ZNF684: variants seen among roughly 807,000 people sequenced by gnomAD.
The protein encoded by ZNF684 is hypothetical protein MGC27466.
In ZNF684, 13 loss-of-function variants were observed where a neutral mutation model predicts 12.8. That is an observed-to-expected ratio of 1.02 (90% confidence interval 0.66 to 1.62). The LOEUF (loss-of-function observed/expected upper bound fraction) is 1.62, where lower values mean the gene tolerates loss of function less well. Ranked by LOEUF, ZNF684 falls within the 40% of genes most tolerant of loss-of-function variation. The pLI is 0.00. For missense variants in ZNF684, 384 were observed against 446.9 expected (o/e 0.86, Z 1.27); for synonymous variants, 118 against 151.8 (o/e 0.78, Z 1.64).
rs559252520 is a variant in ZNF684, at chr1:40,536,221, G to A, written c.15+3040G>A. On this transcript the variant is annotated intron_variant, in intron 2 of 4. Coordinates refer to ENST00000372699, the MANE Select transcript of ZNF684 (RefSeq NM_152373.4). ...ATCCTGGCTAACATGGTGAAACCCC[G>A]TCTCTACTAAAAATACAAAAAAATT... 2.1e-3 allele frequency among the ~76,000 whole-genome samples: 316 copies of A among 151,856 alleles called. 4 individuals carry two copies. Among genetic ancestry groups the A allele is most frequent in the African/African-American group, 7.5e-3 (310 of 41,458 alleles).
In ZNF684 at chr1:40,546,742, T is replaced by C. The variant is rs1341290323; in HGVS notation, c.419T>C (p.Leu140Ser). Reference sequence around the variant, plus strand: ...TCATATAAATCGTTTGAGAAGTGTTTGCCACCTAATTTAGACTTACTTAAA... The same window carrying C: ...TCATATAAATCGTTTGAGAAGTGTTCGCCACCTAATTTAGACTTACTTAAA... ...KKSYKSFEKCLPPNLDLLKYN... is the reference protein window; with the variant it reads ...KKSYKSFEKCSPPNLDLLKYN... The change falls in exon 5 of 5, where the codon TTG becomes TCG. Residue 140 changes from leucine to serine, a missense_variant. By Grantham distance (145) the Leu-to-Ser change is moderately radical. Transcript: ENST00000372699. The C allele has an allele frequency of 1.2e-6, 2 of 1,613,802 alleles. No homozygotes were observed. Among genetic ancestry groups the C allele is most frequent in the Admixed American group, 3.3e-5 (2 of 59,984 alleles).
In ZNF684 at chr1:40,547,356, C is replaced by T; in HGVS notation, c.1033C>T (p.His345Tyr). The change falls in exon 5 of 5, where the codon CAT (histidine) becomes TAT (tyrosine). Residue 345 changes from histidine to tyrosine, a missense_variant. Physicochemically the swap from His to Tyr is moderately conservative, Grantham distance 83. Transcript: ENST00000372699. Reference sequence around the variant, plus strand: ...CATCAAGAAGTCCCATCTCCTCAGACATCAGATAACTCATACAGGAGAGAA... The same window carrying T: ...CATCAAGAAGTCCCATCTCCTCAGATATCAGATAACTCATACAGGAGAGAA... ...AFIKKSHLLR[H>Y]QITHTGEKPY... The T allele has an allele frequency of 6.2e-7, 1 of 1,613,998 alleles. No individual in the cohort carries two copies. The highest frequency in any genetic ancestry group is 8.5e-7 in the Non-Finnish European group (1 of 1,179,930).
intron 4 of ZNF684, among the ~76,000 whole-genome samples, chr1:40,545,699 G>T (rs1646042675): frequency 1.3e-5 from 2 of 152,184 alleles, no homozygotes; most frequent in Middle Eastern, 3.4e-3. Context: ...GGGGTTAGAG[G>T]ACTGGAGATT....
At chr1:40,543,592 G>A (rs1281108555) in intron 4 of ZNF684, among the ~76,000 whole-genome samples, 19 of 152,020 alleles carry the variant, frequency 1.2e-4, no homozygotes, top group African/African-American at 4.4e-4. Flanking sequence ...GAGTAGCTGG[G>A]ACTACAGGTG....
chr1:40,542,796 T>C (rs1646023584), intron 4 of ZNF684, among the ~76,000 whole-genome samples: 1 of 152,224 alleles, frequency 6.6e-6, no homozygotes, highest in African/African-American at 2.4e-5. Context: ...ATTTTTTTCC[T>C]GTCAATAGTT....
chr1:40,546,000 A>G (rs753974671), intron 4 of ZNF684, among the ~76,000 whole-genome samples: 10 of 130,678 alleles, frequency 7.7e-5, no homozygotes, highest in Admixed American at 1.9e-4. Flanking sequence ...TCGGCTCACC[A>G]CAACCTCCAC....
In ZNF684 at chr1:40,547,020, C is replaced by CA. The variant is rs1204803869; in HGVS notation, c.698dup (p.His233GlnfsTer12). The CA allele has an allele frequency of 1.9e-6, 3 of 1,614,108 alleles. No homozygotes were observed. The highest frequency in any genetic ancestry group is 2.5e-6 in the Non-Finnish European group (3 of 1,180,008). On this transcript the variant is annotated frameshift_variant, in exon 5 of 5. Transcript: ENST00000372699. LOFTEE classifies it low-confidence loss of function (END_TRUNC). ...TATGCATAAAGCCCAACTCGTGGTC[C>CA]ACCAGAGACTTCACACTGGAGAGAA... is the stretch of plus-strand genomic sequence containing the variant.
At chr1:40,533,363 C>T (rs1370396744) in intron 2 of ZNF684, among the ~76,000 whole-genome samples, 182 bp downstream of exon 2, 3 of 152,172 alleles carry the variant, frequency 2.0e-5, no homozygotes, top group Admixed American at 6.5e-5. Context: ...CAAATTTGAG[C>T]TGCAAATGTG....
intron 4 of ZNF684, among the ~76,000 whole-genome samples, chr1:40,543,513 G>A (rs981805350): frequency 6.7e-6 from 1 of 148,966 alleles, no homozygotes; most frequent in Non-Finnish European, 1.5e-5. Context: ...CTGGAGTGCA[G>A]TTGCGAGATC....
At chr1:40,541,480 G>A in intron 3 of ZNF684, 135 bp from the exon 4 acceptor site, 2 of 650,690 alleles carry the variant, frequency 3.1e-6, no homozygotes, top group South Asian at 3.5e-5. Context: ...ACCGCGCCCA[G>A]CCTGGGTCTG....
intron 4 of ZNF684, among the ~76,000 whole-genome samples, chr1:40,542,125 T>C (rs1471995515): frequency 6.6e-6 from 1 of 152,230 alleles, no homozygotes; most frequent in African/African-American, 2.4e-5. Context: ...CTTAAGCAGA[T>C]TATTTTGTAG....
chr1:40,533,823 C>CTTTTTTTTTTTTTTTTTTTT (rs574077502), intron 2 of ZNF684, among the ~76,000 whole-genome samples: 1 of 123,922 alleles, frequency 8.1e-6, no homozygotes, highest in Non-Finnish European at 1.7e-5. Flanking sequence ...GTTAGGTATT[C>CTTTTTTTTTTTTTTTTTTTT]TTTTTTTTTT....
chr1:40,545,915 C>CTTTTTTTTTTTTTTT (rs55993619), intron 4 of ZNF684, among the ~76,000 whole-genome samples: 2 of 67,906 alleles, frequency 2.9e-5, no homozygotes, highest in African/African-American at 6.4e-5. Context: ...GTCTCCTTTT[C>CTTTTTTTTTTTTTTT]TTTTTTTTTT....
chr1:40,545,282 G>C (rs1416424767), intron 4 of ZNF684, among the ~76,000 whole-genome samples: 1 of 152,116 alleles, frequency 6.6e-6, no homozygotes, highest in Non-Finnish European at 1.5e-5. Flanking sequence ...TCCACATGGA[G>C]GAAAACTTAA....
At chr1:40,533,019 A>T in intron 1 of ZNF684, 124 bp from the exon 2 acceptor site, 1 of 662,740 alleles carries the variant, frequency 1.5e-6, no homozygotes, top group Non-Finnish European at 2.6e-6. Context: ...ATTCTCCCCC[A>T]CTAGGTGGCA....
intron 3 of ZNF684, 189 bp from the exon 4 acceptor site, chr1:40,541,426 G>T (rs556098486): frequency 9.3e-6 from 4 of 428,544 alleles, no homozygotes; most frequent in South Asian, 9.3e-5. Flanking sequence ...CTCATGATCC[G>T]CCCGCCTCAG....
rs765781865 is a variant in ZNF684, at chr1:40,547,057, G to A, written c.734G>A (p.Cys245Tyr). ...CACACTGGAGAGAAGCCTTATGAGTGCAGTCAATGTGGGAAAACATTCACT... is the reference window on the plus strand; with the variant it reads ...CACACTGGAGAGAAGCCTTATGAGTACAGTCAATGTGGGAAAACATTCACT... ...RLHTGEKPYE[C>Y]SQCGKTFTWN... The change falls in exon 5 of 5, where the codon TGC becomes TAC. Residue 245 changes from cysteine to tyrosine, a missense_variant. Coordinates refer to ENST00000372699, the MANE Select transcript of ZNF684 (RefSeq NM_152373.4). 2 of 1,614,200 alleles carry A rather than the reference G, an allele frequency of 1.2e-6. No homozygotes were observed. Among genetic ancestry groups the A allele is most frequent in the Admixed American group, 1.7e-5 (1 of 60,022 alleles).
intron 2 of ZNF684, among the ~76,000 whole-genome samples, chr1:40,533,428 T>C (rs1056932251): frequency 3.9e-5 from 6 of 152,246 alleles, no homozygotes; most frequent in Admixed American, 3.9e-4. Context: ...TTAAAAAGTA[T>C]TGGCATTGCT....
chr1:40,533,447 A>C (rs959329141), intron 2 of ZNF684, among the ~76,000 whole-genome samples: 1 of 152,260 alleles, frequency 6.6e-6, no homozygotes, highest in Non-Finnish European at 1.5e-5. Flanking sequence ...CTGTGAAGAT[A>C]AAGCAAAATT....
Sources: gnomAD v4.1 joint callset for allele counts (sites outside exome capture counted in the v4.1 genomes callset) on GRCh38, gnomAD v4.1.1 for gene constraint, MANE v1.5 for transcripts, NCBI Gene and HGNC (gene_info 2026-07-23, HGNC 2026-07-21) for gene names.